The following REV3L variants were observed in gnomAD, a reference collection of about 807,000 sequenced individuals.
The protein encoded by REV3L is REV3 like, DNA directed polymerase zeta catalytic subunit, also known as DNA polymerase zeta catalytic subunit.
In REV3L, 69 loss-of-function variants were observed where a neutral mutation model predicts 299.4. The ratio of observed to expected loss-of-function variants is 0.23; its 90% CI spans 0.19 to 0.28. The LOEUF is 0.28. REV3L is among the 10% of genes least tolerant of loss of function. REV3L has a pLI of 1.00. For synonymous variants in REV3L, 1,238 were observed against 1,271.4 expected, an observed-to-expected ratio of 0.97 and a Z score of 0.56; for missense variants, 3,128 against 3,693.8, an observed-to-expected ratio of 0.85 and a Z score of 3.97.
intron 31 of REV3L, among the ~76,000 whole-genome samples, chr6:111,301,671 G>T (rs981727538): frequency 2.0e-5 from 3 of 152,094 alleles, no homozygotes; most frequent in African/African-American, 7.2e-5. Flanking sequence ...ACTTCTTAAG[G>T]CTTCCCAGAT....
At chr6:111,402,600 T>C (rs955991353) in intron 4 of REV3L, among the ~76,000 whole-genome samples, 6 of 152,194 alleles carry the variant, frequency 3.9e-5, no homozygotes, top group African/African-American at 1.4e-4. Context: ...GAAGGGCTGA[T>C]CCCACTAACC....
At chr6:111,475,567 T>C (rs566379963) in intron 1 of REV3L, among the ~76,000 whole-genome samples, 3 of 152,322 alleles carry the variant, frequency 2.0e-5, no homozygotes, top group South Asian at 2.1e-4. Flanking sequence ...AAAGAGTATG[T>C]TGTAGCTTGA....
chr6:111,334,206 G>A (rs780161844), intron 22 of REV3L, among the ~76,000 whole-genome samples: 1 of 152,162 alleles, frequency 6.6e-6, no homozygotes, highest in Non-Finnish European at 1.5e-5. Flanking sequence ...CTAAACTGCT[G>A]GGATTACAGG....
chr6:111,371,044 T>C (rs908207624), intron 13 of REV3L, among the ~76,000 whole-genome samples: 1 of 152,144 alleles, frequency 6.6e-6, no homozygotes, highest in African/African-American at 2.4e-5. Flanking sequence ...TGTCCTCTGC[T>C]GCTTTTCCTA....
At chr6:111,420,725 ACT>A (rs1785243700) in intron 1 of REV3L, among the ~76,000 whole-genome samples, 1 of 152,324 alleles carries the variant, frequency 6.6e-6, no homozygotes, top group African/African-American at 2.4e-5. Flanking sequence ...CCATGGCAAA[ACT>A]CTGTGGAGCT....
intron 20 of REV3L, among the ~76,000 whole-genome samples, chr6:111,346,547 T>A (rs928398413): frequency 2.0e-5 from 3 of 152,142 alleles, no homozygotes; most frequent in Non-Finnish European, 4.4e-5. Flanking sequence ...ACAGGCATAA[T>A]AAAACAGTGC....
Position 111,381,944 on chromosome 6 carries a change from G to A in REV3L, c.1097-500C>T, listed in dbSNP as rs186261088. On this transcript the variant is annotated intron_variant, in intron 9 of 31. Coordinates refer to ENST00000368802, the MANE Select transcript of REV3L (RefSeq NM_001372078.1). ...AAGAGCTTAGTGTAATCCCTAATGG[G>A]GCGTGTGTTGGTTTTTCATGCCTGT... is the stretch of plus-strand genomic sequence containing the variant. Among the ~76,000 whole-genome samples, 26 of 152,242 alleles carry A rather than the reference G, an allele frequency of 1.7e-4. 1 individual carries two copies. The highest frequency in any genetic ancestry group is 6.0e-4 in the African/African-American group (25 of 41,544).
rs149820564 is a variant in REV3L, at chr6:111,424,476, G to T, written c.140-8004C>A. 2.2e-4 allele frequency among the ~76,000 whole-genome samples: 34 copies of T among 152,298 alleles called. No homozygotes were observed. In the East Asian group the frequency reaches 6.6e-3, roughly 29 times the overall value. On this transcript the variant is annotated intron_variant, in intron 1 of 31. Transcript: ENST00000368802. ...AATTAAAGGTTTGCAACAATTCAAG[G>T]CGTATTTATTCAAGAACACCAGATG...
At chr6:111,400,777 T>C (rs968808683) in intron 4 of REV3L, among the ~76,000 whole-genome samples, 1 of 152,176 alleles carries the variant, frequency 6.6e-6, no homozygotes, top group African/African-American at 2.4e-5. Flanking sequence ...TAAAACTTCA[T>C]TGCCAAACCC....
intron 1 of REV3L, among the ~76,000 whole-genome samples, chr6:111,479,446 C>T (rs1793344227): frequency 6.6e-6 from 1 of 151,442 alleles, no homozygotes; most frequent in African/African-American, 2.4e-5. Flanking sequence ...AATCAATATC[C>T]TCAGTTGGCA....
At position 111,482,927 on chromosome 6, in the gene REV3L, C is replaced by G; in HGVS notation, c.-39G>C. The G allele has an allele frequency of 6.7e-7, 1 of 1,488,480 alleles. No homozygotes were observed. Among genetic ancestry groups the G allele is most frequent in the Non-Finnish European group, 8.9e-7 (1 of 1,129,776 alleles). 92.2% of individuals were successfully genotyped at this position (1,488,480 alleles called of 1,614,324 possible). On this transcript the variant is annotated 5_prime_UTR_variant, in exon 1 of 32. Transcript: ENST00000368802. ...GCCACTGCCTCCCTTCACTGGCGAC[C>G]CGGCAGCGGCAGCAGCAGCGGCGGC...
At chr6:111,351,570 T>C (rs752888752) in intron 19 of REV3L, 106 bp downstream of exon 19, 41 of 667,994 alleles carry the variant, frequency 6.1e-5, no homozygotes, top group Non-Finnish European at 9.7e-5. Context: ...CACAACTTAG[T>C]ACTAAAAAAT....
At chr6:111,440,633 T>C (rs1788154979) in intron 1 of REV3L, among the ~76,000 whole-genome samples, 1 of 152,212 alleles carries the variant, frequency 6.6e-6, no homozygotes, top group Non-Finnish European at 1.5e-5. Flanking sequence ...ACCTATCAGT[T>C]AAGAACAAGA....
At chr6:111,461,022 T>C (rs921782056) in intron 1 of REV3L, among the ~76,000 whole-genome samples, 2 of 152,154 alleles carry the variant, frequency 1.3e-5, no homozygotes, top group African/African-American at 4.8e-5. Context: ...TAATACTTGA[T>C]CATGGTAACA....
At chr6:111,441,995 C>A (rs528744132) in intron 1 of REV3L, among the ~76,000 whole-genome samples, 3 of 152,206 alleles carry the variant, frequency 2.0e-5, no homozygotes, top group Admixed American at 6.5e-5. Context: ...CTTTTCCCCC[C>A]ACTTAGGTGA....
rs1411929867 is a variant in REV3L, at chr6:111,411,467, T to C, written c.404+13A>G. 2 of 1,522,686 alleles carry C rather than the reference T, an allele frequency of 1.3e-6. No individual in the cohort carries two copies. The highest frequency in any genetic ancestry group is 1.8e-6 in the Non-Finnish European group (2 of 1,117,994). The allele number at this position is 1,522,686 out of a possible 1,614,324, so 94.3% of individuals were successfully genotyped here. Reference sequence around the variant, plus strand: ...GATAGTTATTCATATTTTGGTTTCATTTATCTTTGTACCTTTTCACCATTG... The same window carrying C: ...GATAGTTATTCATATTTTGGTTTCACTTATCTTTGTACCTTTTCACCATTG... On this transcript the variant is annotated intron_variant, in intron 3 of 31. Transcript: ENST00000368802.
At chr6:111,393,652 AACCCTTCCCATAC>A (rs1208025358) in intron 4 of REV3L, among the ~76,000 whole-genome samples, 1 of 152,094 alleles carries the variant, frequency 6.6e-6, no homozygotes, top group African/African-American at 2.4e-5. Flanking sequence ...ATCTTCCTGG[AACCCTTCCCATAC>A]ACCCTTCCCA....
In REV3L at chr6:111,375,152, T is replaced by A. The variant is rs775722068; in HGVS notation, c.3203A>T (p.Glu1068Val). Residue 1068 changes from glutamate (E) to valine (V), a missense_variant, in exon 13 of 32, where the codon GAA becomes GTA. Physicochemically the swap from Glu to Val is moderately radical, Grantham distance 121 (BLOSUM62 -2). This residue lies in a region of REV3L where 2,409 missense variants were observed against 2,611.8 expected (regional missense o/e 0.92). Coordinates refer to ENST00000368802, the MANE Select transcript of REV3L (RefSeq NM_001372078.1). Reference protein sequence around the residue: ...KTGKQQRTNNENIKRTLSFRK... With the variant: ...KTGKQQRTNNVNIKRTLSFRK... The stretch of plus-strand genomic sequence containing the variant: ...GAAAGACAAAGTTCTTTTAATATTT[T>A]CATTATTTGTCCTTTGTTGTTTACC... 73 of 1,607,422 alleles carry A rather than the reference T, an allele frequency of 4.5e-5. No homozygotes were observed. Among genetic ancestry groups the A allele is most frequent in the Non-Finnish European group, 5.9e-5 (70 of 1,178,288 alleles).
intron 2 of REV3L, among the ~76,000 whole-genome samples, chr6:111,414,851 A>C (rs1223146436): frequency 6.6e-6 from 1 of 152,200 alleles, no homozygotes; most frequent in African/African-American, 2.4e-5. Flanking sequence ...CCAGAAGCTG[A>C]TGATTACTTC....
Sources: allele counts gnomAD v4.1 joint callset (sites outside exome capture counted in the v4.1 genomes callset), GRCh38; gene constraint gnomAD v4.1.1; regional missense constraint gnomAD v4.1.1; transcripts MANE v1.5; gene names NCBI Gene and HGNC (gene_info 2026-07-23, HGNC 2026-07-21).